Variants in ENOX1 observed in about 807,000 individuals in gnomAD.
The protein encoded by ENOX1 is ecto-NOX disulfide-thiol exchanger 1.
In ENOX1, 42 loss-of-function variants were observed where a neutral mutation model predicts 82.5. The ratio of observed to expected loss-of-function variants is 0.51; its 90% CI spans 0.40 to 0.66. The LOEUF is 0.66. ENOX1 is among the 30% of genes least tolerant of loss of function. ENOX1 has a pLI of 0.00. For synonymous variants in ENOX1, 271 were observed against 282.2 expected, an observed-to-expected ratio of 0.96 and a Z score of 0.40; for missense variants, 608 against 811.6, an observed-to-expected ratio of 0.75 and a Z score of 3.05.
At chr13:43,439,178 T>C (rs1369698781) in intron 3 of ENOX1, among the ~76,000 whole-genome samples, 1 of 150,720 alleles carries the variant, frequency 6.6e-6, no homozygotes, top group Admixed American at 6.6e-5. Flanking sequence ...GCCTCCCGAG[T>C]AGCTGGGATT....
chr13:43,711,684 T>C (rs2087728780), intron 1 of ENOX1, among the ~76,000 whole-genome samples: 1 of 152,162 alleles, frequency 6.6e-6, no homozygotes, highest in Admixed American at 6.5e-5. Context: ...ATGATGAGCA[T>C]TTTTTCATGT....
intron 14 of ENOX1, among the ~76,000 whole-genome samples, chr13:43,257,365 C>T (rs2043810280): frequency 6.6e-6 from 1 of 152,080 alleles, no homozygotes; most frequent in South Asian, 2.1e-4. Flanking sequence ...GATCATTATA[C>T]ATTATATGAA....
intron 1 of ENOX1, among the ~76,000 whole-genome samples, chr13:43,741,656 A>T (rs1297764369): frequency 6.6e-6 from 1 of 152,208 alleles, no homozygotes; most frequent in African/African-American, 2.4e-5. Context: ...TATCAGATAC[A>T]TGATTTGCAA....
chr13:43,599,378 A>G (rs535757950), intron 2 of ENOX1, among the ~76,000 whole-genome samples: 11 of 152,086 alleles, frequency 7.2e-5, no homozygotes, highest in African/African-American at 2.4e-4. Flanking sequence ...GGGAGAGTGC[A>G]GTGATAGTGG....
chr13:43,781,739 G>A (rs1046289567), intron 1 of ENOX1, among the ~76,000 whole-genome samples: 6 of 152,096 alleles, frequency 3.9e-5, no homozygotes, highest in African/African-American at 1.2e-4. Context: ...TTGAACTCCC[G>A]ACATCAGGTG....
chr13:43,318,941 C>T (rs528089390), intron 11 of ENOX1, among the ~76,000 whole-genome samples: 32 of 152,088 alleles, frequency 2.1e-4, no homozygotes, highest in Middle Eastern at 3.4e-3. Context: ...TTCTTGCGAA[C>T]GCTATCCCGC....
chr13:43,221,776 C>T (rs907253655), intron 16 of ENOX1, among the ~76,000 whole-genome samples: 10 of 152,200 alleles, frequency 6.6e-5, no homozygotes, highest in African/African-American at 1.9e-4. Context: ...GTCATTCTTA[C>T]ACCCATATGT....
rs746802510 is a variant in ENOX1, at chr13:43,472,997, C to A, written c.-75+11012G>T. Among the ~76,000 whole-genome samples the A allele has an allele frequency of 8.2e-4, 125 of 152,266 alleles. 3 individuals carry two copies. In the Middle Eastern group the frequency reaches 0.01, roughly 12 times the overall value. On this transcript the variant is annotated intron_variant, in intron 3 of 16. Coordinates refer to ENST00000690772, the MANE Select transcript of ENOX1 (RefSeq NM_001347969.2). ...ACAGGAATAAAAGGGAGTAGAATTT[C>A]TTAAGTGGGTTATGTCTCACTTTGC...
chr13:43,731,109 C>T (rs1325377869), intron 1 of ENOX1, among the ~76,000 whole-genome samples: 1 of 152,162 alleles, frequency 6.6e-6, no homozygotes, highest in East Asian at 1.9e-4. Flanking sequence ...CCAGTAATGA[C>T]AAGCACAGAC....
intron 3 of ENOX1, among the ~76,000 whole-genome samples, chr13:43,429,073 C>T (rs1382456374): frequency 1.3e-5 from 2 of 152,128 alleles, no homozygotes; most frequent in African/African-American, 2.4e-5. Context: ...TCCTAAGAAA[C>T]GTGCACAGCA....
At chr13:43,622,079 G>C (rs1211578865) in intron 2 of ENOX1, among the ~76,000 whole-genome samples, 1 of 152,026 alleles carries the variant, frequency 6.6e-6, no homozygotes, top group African/African-American at 2.4e-5. Flanking sequence ...TGTGTCCAAA[G>C]CTTCCTGAAT....
At chr13:43,427,157 AC>A (rs2055359409) in intron 3 of ENOX1, among the ~76,000 whole-genome samples, 1 of 152,196 alleles carries the variant, frequency 6.6e-6, no homozygotes, top group South Asian at 2.1e-4. Flanking sequence ...ATGAGTTCAA[AC>A]AAAGCTAAAG....
intron 2 of ENOX1, among the ~76,000 whole-genome samples, chr13:43,559,208 T>C (rs1032744141): frequency 1.1e-4 from 16 of 152,228 alleles, no homozygotes; most frequent in Admixed American, 1.0e-3. Context: ...GACAGCCCTA[T>C]GGCCTGCTGA....
intron 1 of ENOX1, among the ~76,000 whole-genome samples, chr13:43,778,832 C>A: frequency 6.6e-6 from 1 of 152,192 alleles, no homozygotes; most frequent in East Asian, 1.9e-4. Context: ...GTCCAATGGG[C>A]AGGGCAGGGC....
At chr13:43,534,332 C>T (rs2078359462) in intron 2 of ENOX1, among the ~76,000 whole-genome samples, 1 of 152,138 alleles carries the variant, frequency 6.6e-6, no homozygotes, top group South Asian at 2.1e-4. Flanking sequence ...TTCCAACCAC[C>T]ACACTCCTCG....
At chr13:43,300,952 C>A (rs919466821) in intron 11 of ENOX1, among the ~76,000 whole-genome samples, 5 of 152,158 alleles carry the variant, frequency 3.3e-5, no homozygotes, top group African/African-American at 1.2e-4. Context: ...TGCAGCCCAG[C>A]TTCAGATCTT....
At chr13:43,285,847 T>C (rs7338766) in intron 12 of ENOX1, among the ~76,000 whole-genome samples, 80,039 of 135,782 alleles carry the variant, frequency 0.59, 24,182 homozygotes, top group Non-Finnish European at 0.68. Context: ...AATTCCCCCC[T>C]CTTCTTCTTT....
intron 14 of ENOX1, among the ~76,000 whole-genome samples, chr13:43,248,754 T>C (rs185347309): frequency 6.0e-4 from 91 of 152,272 alleles, no homozygotes; most frequent in Non-Finnish European, 7.1e-4. Flanking sequence ...AAAAATTAAC[T>C]GAAATTCTAC....
At position 43,698,606 on chromosome 13, in the gene ENOX1, GT is replaced by G. The variant is rs202205272; in HGVS notation, c.-284-31063del. On this transcript the variant is annotated intron_variant, in intron 1 of 16. Transcript: ENST00000690772. ...ACATATAAAAATTCACAAAAATGAA[GT>G]TTTTTTTTACCTCATATTTTATTGA... Among the ~76,000 whole-genome samples, 22 of 151,550 alleles carry G rather than the reference GT, an allele frequency of 1.5e-4. No homozygotes were observed. In the East Asian group the frequency reaches 2.3e-3, roughly 16 times the overall value.
Sources: allele counts gnomAD v4.1 joint callset (sites outside exome capture counted in the v4.1 genomes callset), GRCh38; gene constraint gnomAD v4.1.1; transcripts MANE v1.5; gene names NCBI Gene and HGNC (gene_info 2026-07-23, HGNC 2026-07-21).